OR1J2: variants seen among roughly 807,000 people sequenced by gnomAD.
The protein encoded by OR1J2 is olfactory receptor 1J2.
For synonymous variants in OR1J2, 142 were observed against 99.7 expected (o/e 1.42, Z -2.52); for missense variants, 304 against 246.1 (o/e 1.24, Z -1.57).
At chr9:122,547,863 T>A in the OR1J2 span, among the ~76,000 whole-genome samples, 12 of 152,276 alleles carry the variant, frequency 7.9e-5, no homozygotes, top group African/African-American at 2.9e-4. Flanking sequence ...CTTTGAGAAA[T>A]CATACTGTTT....
chr9:122,553,148 T>A, the OR1J2 span: 1 of 1,548,942 alleles, frequency 6.5e-7, no homozygotes, highest in Admixed American at 1.9e-5. Context: ...TGTAAATTGA[T>A]CTAATAAATA....
chr9:122,558,906 T>G, the OR1J2 span, among the ~76,000 whole-genome samples: 41,400 of 151,862 alleles, frequency 0.27, 5,820 homozygotes, highest in Middle Eastern at 0.34. Flanking sequence ...CTTTTTAAAA[T>G]TTTTATTTTA....
chr9:122,466,698 A>C, the OR1J2 span, among the ~76,000 whole-genome samples: 1 of 152,024 alleles, frequency 6.6e-6, no homozygotes, highest in Non-Finnish European at 1.5e-5. Context: ...TTCATTCCCA[A>C]CTCCCCCATC....
chr9:122,505,603 GA>G, the OR1J2 span, among the ~76,000 whole-genome samples: 1 of 152,226 alleles, frequency 6.6e-6, no homozygotes, highest in Middle Eastern at 3.4e-3. Flanking sequence ...CTTAGACCTA[GA>G]TATGAAAAAG....
At chr9:122,547,071 A>T in the OR1J2 span, among the ~76,000 whole-genome samples, 1 of 152,074 alleles carries the variant, frequency 6.6e-6, no homozygotes, top group East Asian at 1.9e-4. Flanking sequence ...GTAATCAAAA[A>T]TAATTTTTTT....
At chr9:122,494,861 T>G in the OR1J2 span, among the ~76,000 whole-genome samples, 1 of 152,200 alleles carries the variant, frequency 6.6e-6, no homozygotes, top group South Asian at 2.1e-4. Context: ...CTTTAACAGA[T>G]CTTGTAGTAC....
chr9:122,560,669 G>T, the OR1J2 span, among the ~76,000 whole-genome samples: 28 of 152,228 alleles, frequency 1.8e-4, no homozygotes, highest in African/African-American at 6.3e-4. Context: ...CTCTCTTCTG[G>T]CATGTAGGGT....
chr9:122,531,703 G>A, the OR1J2 span, among the ~76,000 whole-genome samples: 3 of 152,280 alleles, frequency 2.0e-5, no homozygotes, highest in African/African-American at 4.8e-5. Flanking sequence ...ACTGAGGACC[G>A]TAAGGGATAT....
the OR1J2 span, among the ~76,000 whole-genome samples, chr9:122,461,486 C>T: frequency 6.6e-6 from 1 of 151,930 alleles, no homozygotes; most frequent in East Asian, 1.9e-4. Context: ...TATTGTTTCT[C>T]CAGTTACATG....
the OR1J2 span, chr9:122,447,625 G>A: frequency 1.3e-5 from 2 of 151,880 alleles, no homozygotes; most frequent in Non-Finnish European, 2.9e-5. Flanking sequence ...ATTCCTGGAA[G>A]TTGCATTCTG....
Position 122,511,096 on chromosome 9 carries a change from T to C in OR1J2, c.295T>C (p.Ser99Pro). The C allele has an allele frequency of 5.5e-6, 6 of 1,082,428 alleles. No homozygotes were observed. The highest frequency in any genetic ancestry group is 8.3e-6 in the Non-Finnish European group (6 of 724,910). The allele number at this position is 1,082,428 out of a possible 1,614,324, so 67.1% of individuals were successfully genotyped here. ...ATCGATCCTCTATGAGGAATGCATT[T>C]CTCAGATGTATTTTTTTATATTTTT... ...YKSILYEECI[S>P]QMYFFIFFTD... Residue 99 changes from serine to proline, a missense_variant, in exon 1 of 1, where the codon TCT becomes CCT. Transcript: ENST00000335302.
At chr9:122,497,094 C>G in the OR1J2 span, among the ~76,000 whole-genome samples, 1 of 152,102 alleles carries the variant, frequency 6.6e-6, no homozygotes, top group Non-Finnish European at 1.5e-5. Flanking sequence ...AGCAGGTGAC[C>G]AGGGCTAAGA....
chr9:122,505,920 T>C (rs1289510211), upstream of OR1J2, among the ~76,000 whole-genome samples: 4 of 152,314 alleles, frequency 2.6e-5, no homozygotes, highest in East Asian at 7.7e-4. Context: ...TATTTTTATT[T>C]GATATAACCA....
the OR1J2 span, among the ~76,000 whole-genome samples, chr9:122,503,100 G>A: frequency 0.014 from 2,184 of 152,286 alleles, 40 homozygotes; most frequent in African/African-American, 0.049. Context: ...TATGATAGGA[G>A]CAAAGAGCTT....
chr9:122,554,694 G>A, the OR1J2 span, among the ~76,000 whole-genome samples: 3 of 152,132 alleles, frequency 2.0e-5, no homozygotes, highest in African/African-American at 4.8e-5. Context: ...TGACAAGGAA[G>A]GTGTGAGTGT....
chr9:122,483,531 CTA>C, the OR1J2 span, among the ~76,000 whole-genome samples: 1 of 152,110 alleles, frequency 6.6e-6, no homozygotes, highest in Non-Finnish European at 1.5e-5. Flanking sequence ...TGGAACAACA[CTA>C]TATATTATTT....
the OR1J2 span, chr9:122,477,433 T>C: frequency 5.1e-5 from 83 of 1,613,824 alleles, no homozygotes; most frequent in Non-Finnish European, 6.9e-5. Context: ...GAAGGAAAGC[T>C]GGGCCAGGAG....
chr9:122,458,403 G>A, the OR1J2 span, among the ~76,000 whole-genome samples: 1 of 152,120 alleles, frequency 6.6e-6, no homozygotes, highest in African/African-American at 2.4e-5. Flanking sequence ...TTTTTATGGG[G>A]TGTATTAATT....
chr9:122,508,141 GGAGAGA>G (rs61130450), upstream of OR1J2, among the ~76,000 whole-genome samples: 1 of 144,706 alleles, frequency 6.9e-6, no homozygotes, highest in African/African-American at 2.6e-5. Context: ...AGAGAGAGAG[GGAGAGA>G]GAGAGAGAGA....
Sources: gnomAD v4.1 joint callset for allele counts (sites outside exome capture counted in the v4.1 genomes callset) on GRCh38, gnomAD v4.1.1 for gene constraint, MANE v1.5 for transcripts, NCBI Gene and HGNC (gene_info 2026-07-23, HGNC 2026-07-21) for gene names.